ARHGEF12: variants seen among roughly 807,000 people sequenced by gnomAD.
ARHGEF12 encodes the protein Rho guanine nucleotide exchange factor 12.
ARHGEF12 carries 66 observed loss-of-function variants against 211.2 expected under a neutral mutation model. The observed-to-expected ratio is 0.31, with a 90% CI of 0.26 to 0.38. The LOEUF (loss-of-function observed/expected upper bound fraction) is 0.38, where lower values mean the gene tolerates loss of function less well. ARHGEF12 is among the 10% of genes least tolerant of loss of function. The probability of loss-of-function intolerance (pLI) is 1.00; values close to 1 mark genes in which losing one functional copy is unlikely to be tolerated. For synonymous variants in ARHGEF12, 592 were observed against 638.4 expected (o/e 0.93, Z 1.09); for missense variants, 1,429 against 1,869.5 (o/e 0.76, Z 4.34).
Position 120,367,107 on chromosome 11 carries a change from T to C in ARHGEF12, c.32+29832T>C, listed in dbSNP as rs576845581. ...GCTTAGTTGCTGTCCAACAGTCTTA[T>C]TGCATCTGATTCTTTTGGTGCTTGC... On this transcript the variant is annotated intron_variant, in intron 1 of 40. Coordinates refer to ENST00000397843, the MANE Select transcript of ARHGEF12 (RefSeq NM_015313.3). 2.6e-5 allele frequency among the ~76,000 whole-genome samples: 4 copies of C among 152,262 alleles called. No individual in the cohort carries two copies. The South Asian group carries it at 8.3e-4, about 32-fold the overall frequency.
intron 7 of ARHGEF12, 103 bp downstream of exon 7, chr11:120,424,518 T>A: frequency 2.2e-6 from 2 of 899,014 alleles, no homozygotes; most frequent in Non-Finnish European, 3.5e-6. Flanking sequence ...TTAGGCTATG[T>A]GGACTATATA....
intron 15 of ARHGEF12, among the ~76,000 whole-genome samples, chr11:120,443,963 C>T (rs1218278442): frequency 6.6e-6 from 1 of 152,094 alleles, no homozygotes; most frequent in African/African-American, 2.4e-5. Context: ...CTTGAGAGTT[C>T]GCTGATTTTA....
chr11:120,375,485 T>A (rs1353725847), intron 1 of ARHGEF12, among the ~76,000 whole-genome samples: 3 of 152,040 alleles, frequency 2.0e-5, no homozygotes, highest in Non-Finnish European at 4.4e-5. Flanking sequence ...ACAATTATTT[T>A]CTTTGTTCCT....
At chr11:120,379,518 AT>A (rs533283510) in intron 1 of ARHGEF12, among the ~76,000 whole-genome samples, 7,824 of 145,994 alleles carry the variant, frequency 0.054, 217 homozygotes, top group Middle Eastern at 0.1. Flanking sequence ...ATTAAGTACG[AT>A]TTTTTTTTTT....
intron 1 of ARHGEF12, among the ~76,000 whole-genome samples, chr11:120,392,014 T>TC (rs1944234854): frequency 6.6e-6 from 1 of 152,202 alleles, no homozygotes; most frequent in Non-Finnish European, 1.5e-5. Flanking sequence ...CCAGTGGTTT[T>TC]CCATTATATT....
intron 22 of ARHGEF12, among the ~76,000 whole-genome samples, chr11:120,452,616 T>C (rs902485204): frequency 1.3e-5 from 2 of 152,138 alleles, no homozygotes; most frequent in African/African-American, 4.8e-5. Context: ...CAGCCAAAGG[T>C]TTAGCATTGC....
intron 39 of ARHGEF12, among the ~76,000 whole-genome samples, chr11:120,483,955 A>G (rs912592528): frequency 1.3e-5 from 2 of 150,174 alleles, no homozygotes; most frequent in Admixed American, 6.6e-5. Flanking sequence ...GGATTTCACC[A>G]TGTTGGCCAG....
At chr11:120,369,253 C>T (rs991460901) in intron 1 of ARHGEF12, among the ~76,000 whole-genome samples, 3 of 151,714 alleles carry the variant, frequency 2.0e-5, no homozygotes, top group East Asian at 1.9e-4. Flanking sequence ...CTCAGCCTCC[C>T]GAGTAGCTGG....
At chr11:120,387,460 C>T (rs1944072830) in intron 1 of ARHGEF12, among the ~76,000 whole-genome samples, 1 of 152,000 alleles carries the variant, frequency 6.6e-6, no homozygotes, top group Non-Finnish European at 1.5e-5. Context: ...AGTACATTGG[C>T]AAAATATATA....
chr11:120,395,692 A>G (rs1315242677), intron 1 of ARHGEF12, among the ~76,000 whole-genome samples: 1 of 151,382 alleles, frequency 6.6e-6, no homozygotes, highest in South Asian at 2.1e-4. Context: ...GTGCAGGGGA[A>G]CTCCCCTTTA....
intron 1 of ARHGEF12, among the ~76,000 whole-genome samples, chr11:120,347,206 CTT>C (rs1942785300): frequency 1.1e-5 from 1 of 89,912 alleles, no homozygotes; most frequent in Non-Finnish European, 2.5e-5. Flanking sequence ...CTTTCTTTCT[CTT>C]TCTTTTTCTT....
chr11:120,457,156 A>G lies in ARHGEF12; in HGVS notation c.2095A>G (p.Thr699Ala), dbSNP rs1432243277. 3 of 1,614,058 alleles carry G rather than the reference A, an allele frequency of 1.9e-6. No homozygotes were observed. The highest frequency in any genetic ancestry group is 1.3e-5 in the African/African-American group (1 of 75,036). ...QVGETSAPGD[T>A]LDGTPRTLNT... ...TGGAGAAACATCAGCACCTGGAGACACCTTAGATGGCACACCTCGTACTCT... is the reference window on the plus strand; with the variant it reads ...TGGAGAAACATCAGCACCTGGAGACGCCTTAGATGGCACACCTCGTACTCT... The change falls in exon 23 of 41, where the codon ACC becomes GCC. Residue 699 changes from threonine to alanine, a missense_variant. By Grantham distance (58) the Thr-to-Ala change is moderately conservative (BLOSUM62 0). Coordinates refer to ENST00000397843, the MANE Select transcript of ARHGEF12 (RefSeq NM_015313.3).
At chr11:120,387,511 G>A (rs1388712198) in intron 1 of ARHGEF12, among the ~76,000 whole-genome samples, 1 of 152,010 alleles carries the variant, frequency 6.6e-6, no homozygotes, top group East Asian at 1.9e-4. Context: ...TTCCCTGGGG[G>A]CCAAAATTAT....
intron 11 of ARHGEF12, 113 bp downstream of exon 11, chr11:120,432,024 C>G: frequency 3.0e-6 from 3 of 984,626 alleles, no homozygotes; most frequent in Non-Finnish European, 2.7e-6. Flanking sequence ...TTTTACCATC[C>G]CCATTTTTAA....
At chr11:120,351,048 T>C (rs1942922028) in intron 1 of ARHGEF12, among the ~76,000 whole-genome samples, 2 of 151,938 alleles carry the variant, frequency 1.3e-5, no homozygotes, top group South Asian at 4.1e-4. Flanking sequence ...CAAAGAGCAT[T>C]TTTAAAAATG....
At chr11:120,445,367 T>C in intron 15 of ARHGEF12, 55 bp from the exon 16 acceptor site, 1 of 1,580,006 alleles carries the variant, frequency 6.3e-7, no homozygotes, top group Non-Finnish European at 8.7e-7. Context: ...AGTACTTATG[T>C]ACATCTTCAA....
rs766891281 is a variant in ARHGEF12 at position 120,420,846 on chromosome 11, A to G, written c.293A>G (p.Lys98Arg). Residue 98 changes from lysine (K) to arginine (R), a missense_variant, in exon 5 of 41, where the codon AAA (lysine) becomes AGA (arginine). Physicochemically the swap from Lys to Arg is conservative, Grantham distance 26. This residue lies in a region of ARHGEF12 where 60 missense variants were observed against 121.0 expected (regional missense o/e 0.50). Coordinates refer to ENST00000397843, the MANE Select transcript of ARHGEF12 (RefSeq NM_015313.3). ...GDNPVFVQSVKEDGAAMRAGV... is the reference protein window; with the variant it reads ...GDNPVFVQSVREDGAAMRAGV... ...AATCCAGTCTTCGTACAGTCTGTCA[A>G]AGAAGGCAAGGCATTTTAAAAAACA... 1 of 1,613,560 alleles carries G rather than the reference A, an allele frequency of 6.2e-7. No individual in the cohort carries two copies. Among genetic ancestry groups the G allele is most frequent in the African/African-American group, 1.3e-5 (1 of 74,936 alleles).
intron 1 of ARHGEF12, among the ~76,000 whole-genome samples, chr11:120,392,867 T>A (rs184135242): frequency 4.6e-5 from 7 of 152,364 alleles, no homozygotes; most frequent in Non-Finnish European, 1.0e-4. Context: ...TTTATTGGCT[T>A]TTTTGGAACC....
At chr11:120,406,194 T>C (rs61900795) in intron 2 of ARHGEF12, 53 bp downstream of exon 2, 258,299 of 1,236,664 alleles carry the variant, frequency 0.21, 28,924 homozygotes, top group Non-Finnish European at 0.23. Context: ...ATTTTAATTA[T>C]AAGCATCCCT....
Sources: gnomAD v4.1 joint callset for allele counts (sites outside exome capture counted in the v4.1 genomes callset) on GRCh38, gnomAD v4.1.1 for gene constraint, gnomAD v4.1.1 regional missense constraint, MANE v1.5 for transcripts, NCBI Gene and HGNC (gene_info 2026-07-23, HGNC 2026-07-21) for gene names.